The following NRP2 variants were observed in gnomAD, a reference collection of about 807,000 sequenced individuals.
NRP2 encodes the protein neuropilin-2.
A neutral mutation model predicts 110.4 loss-of-function variants in NRP2; 52 were observed. The observed-to-expected ratio is 0.47, with a 90% CI of 0.38 to 0.59. The LOEUF is 0.59. NRP2 is among the 20% of genes least tolerant of loss of function. The pLI, the probability that NRP2 is intolerant of heterozygous loss-of-function variation, is 0.00. For synonymous variants in NRP2, 508 were observed against 468.9 expected, an observed-to-expected ratio of 1.08 and a Z score of -1.08; for missense variants, 1,049 against 1,203.0, an observed-to-expected ratio of 0.87 and a Z score of 1.89.
chr2:205,739,885 T>G, intron 7 of NRP2: 1 of 169,518 alleles, frequency 5.9e-6, no homozygotes, highest in Non-Finnish European at 1.3e-5. Context: ...AGGACTACAG[T>G]GAGAGGAAGC....
chr2:205,723,083 C>T (rs1435898711), intron 4 of NRP2, among the ~76,000 whole-genome samples: 1 of 152,194 alleles, frequency 6.6e-6, no homozygotes, highest in Non-Finnish European at 1.5e-5. Context: ...CTGCTACTCC[C>T]CAGCTGTGCA....
intron 11 of NRP2, 131 bp downstream of exon 11, chr2:205,749,972 G>A: frequency 1.3e-6 from 1 of 761,160 alleles, no homozygotes; most frequent in East Asian, 2.7e-5. Flanking sequence ...GGTAAGAGAG[G>A]TGGGGGCACT....
rs1398080586 is a variant in NRP2, at chr2:205,698,418, G to A, written c.251+697G>A. Among the ~76,000 whole-genome samples, 4 of 152,250 alleles carry A rather than the reference G, an allele frequency of 2.6e-5. No homozygotes were observed. In the South Asian group the frequency reaches 8.3e-4, roughly 32 times the overall value. ...CCATTATGATCTCCATTTTGCAAAA[G>A]AGAGAAAACCGAAGCACAGAGAGGT... On this transcript the variant is annotated intron_variant, in intron 2 of 16. Transcript: ENST00000357785.
intron 2 of NRP2, among the ~76,000 whole-genome samples, chr2:205,699,332 G>T (rs73983221): frequency 0.019 from 2,907 of 152,288 alleles, 103 homozygotes; most frequent in African/African-American, 0.065. Flanking sequence ...ACTGCAGAAG[G>T]TTGGCACAAA....
intron 16 of NRP2, 145 bp from the exon 17 acceptor site, chr2:205,794,609 C>A: frequency 1.2e-6 from 1 of 832,958 alleles, no homozygotes. Flanking sequence ...TGCGGCCAGG[C>A]TGGGCTTTGA....
intron 1 of NRP2, among the ~76,000 whole-genome samples, chr2:205,693,868 T>C (rs1025696055): frequency 2.6e-5 from 4 of 152,256 alleles, no homozygotes; most frequent in South Asian, 2.1e-4. Context: ...AAGTAAGCTA[T>C]AGTAATCAGA....
At chr2:205,720,269 T>C (rs1055595430) in intron 3 of NRP2, among the ~76,000 whole-genome samples, 2 of 42,348 alleles carry the variant, frequency 4.7e-5, no homozygotes, top group Admixed American at 2.1e-4. Flanking sequence ...TTTCTTTTTT[T>C]TTTTTTTTTT....
chr2:205,785,302 C>T (rs1006867937), intron 15 of NRP2, among the ~76,000 whole-genome samples: 1 of 151,874 alleles, frequency 6.6e-6, no homozygotes, highest in Non-Finnish European at 1.5e-5. Context: ...AATATTGGAA[C>T]TAGAGGAGGG....
In NRP2 at chr2:205,725,931, C is replaced by G; in HGVS notation, c.839C>G (p.Pro280Arg). Residue 280 changes from proline to arginine, a missense_variant, in exon 6 of 17, where the codon CCT (proline) becomes CGT (arginine). Coordinates refer to ENST00000357785, the MANE Select transcript of NRP2 (RefSeq NM_003872.3). The surrounding 1 kb of genome is among the most constrained non-coding windows in gnomAD (Gnocchi z 4.1). ...TCCCCAGACTTTCAGTGCAATGTTCCTCTGGGCATGGAGTCTGGCCGGATT... is the reference window on the plus strand; with the variant it reads ...TCCCCAGACTTTCAGTGCAATGTTCGTCTGGGCATGGAGTCTGGCCGGATT... ...EPLENFQCNVPLGMESGRIAN... is the reference protein window; with the variant it reads ...EPLENFQCNVRLGMESGRIAN... 1 of 1,614,166 alleles carries G rather than the reference C, an allele frequency of 6.2e-7. No homozygotes were observed. Among genetic ancestry groups the G allele is most frequent in the Non-Finnish European group, 8.5e-7 (1 of 1,180,034 alleles).
intron 2 of NRP2, among the ~76,000 whole-genome samples, chr2:205,711,724 C>T (rs75750786): frequency 0.066 from 9,981 of 152,246 alleles, 337 homozygotes; most frequent in Middle Eastern, 0.12. Context: ...ATTCTTCCTC[C>T]GAAGACCTAA....
At chr2:205,784,948 C>T (rs888252725) in intron 15 of NRP2, among the ~76,000 whole-genome samples, 1 of 152,156 alleles carries the variant, frequency 6.6e-6, no homozygotes, top group African/African-American at 2.4e-5. Flanking sequence ...CGGTCCTTGG[C>T]CACCAGCAAG....
intron 1 of NRP2, among the ~76,000 whole-genome samples, chr2:205,697,240 A>G (rs1167139836): frequency 1.3e-5 from 2 of 151,626 alleles, no homozygotes; most frequent in East Asian, 3.9e-4. Context: ...TTGAGTTTGC[A>G]GTCCTCTTGT....
At chr2:205,794,712 TA>T in intron 16 of NRP2, 41 bp from the exon 17 acceptor site, 1 of 1,601,826 alleles carries the variant, frequency 6.2e-7, no homozygotes, top group Non-Finnish European at 8.6e-7. Flanking sequence ...CACCCTGACA[TA>T]GGCAGTGCCT....
intron 15 of NRP2, among the ~76,000 whole-genome samples, chr2:205,789,399 C>A (rs1990708): frequency 0.18 from 27,490 of 152,046 alleles, 2,774 homozygotes; most frequent in African/African-American, 0.26. Flanking sequence ...AGAGGTTTGG[C>A]CCATTCCACT....
chr2:205,689,662 C>A (rs538571957), intron 1 of NRP2, among the ~76,000 whole-genome samples: 1 of 152,206 alleles, frequency 6.6e-6, no homozygotes, highest in South Asian at 2.1e-4. Flanking sequence ...ATTTATGTCT[C>A]CCTTGCATTT....
chr2:205,749,416 C>T (rs538700344), intron 10 of NRP2, among the ~76,000 whole-genome samples: 4 of 152,286 alleles, frequency 2.6e-5, no homozygotes, highest in African/African-American at 7.2e-5. Flanking sequence ...TTGGAGTCAG[C>T]GTCGCCTGTA....
At chr2:205,692,264 C>G (rs2056330035) in intron 1 of NRP2, among the ~76,000 whole-genome samples, 1 of 152,202 alleles carries the variant, frequency 6.6e-6, no homozygotes, top group Non-Finnish European at 1.5e-5. Context: ...TTCCCAGTTG[C>G]CTTAGGAAGT....
chr2:205,774,485 A>T (rs921754530), intron 15 of NRP2, among the ~76,000 whole-genome samples: 13 of 152,164 alleles, frequency 8.5e-5, no homozygotes, highest in Non-Finnish European at 1.5e-5. Context: ...TGTGGCTGTC[A>T]AGGTGTGTGC....
chr2:205,785,028 CAG>C (rs1191570783), intron 15 of NRP2, among the ~76,000 whole-genome samples: 1 of 152,198 alleles, frequency 6.6e-6, no homozygotes, highest in Non-Finnish European at 1.5e-5. Context: ...AATGATATCA[CAG>C]AGTCATTCAT....
Sources: gnomAD v4.1 joint callset for allele counts (sites outside exome capture counted in the v4.1 genomes callset) on GRCh38, gnomAD v4.1.1 for gene constraint, Gnocchi (gnomAD v3.1) non-coding constraint, MANE v1.5 for transcripts, NCBI Gene and HGNC (gene_info 2026-07-23, HGNC 2026-07-21) for gene names.